SNX7: variants seen among roughly 807,000 people sequenced by gnomAD.
SNX7 encodes sorting nexin-7.
SNX7 carries 35 observed loss-of-function variants against 48.4 expected under a neutral mutation model. The ratio of observed to expected loss-of-function variants is 0.72; its 90% CI spans 0.55 to 0.96. SNX7 has a LOEUF of 0.96. SNX7 is among the 40% of genes least tolerant of loss of function. The pLI, the probability that SNX7 is intolerant of heterozygous loss-of-function variation, is 0.00. For synonymous variants in SNX7, 190 were observed against 190.2 expected (o/e 1.00, Z 0.01); for missense variants, 553 against 548.9 (o/e 1.01, Z -0.07).
At chr1:98,684,506 GC>G (rs1650676542) in intron 1 of SNX7, among the ~76,000 whole-genome samples, 1 of 152,126 alleles carries the variant, frequency 6.6e-6, no homozygotes, top group Non-Finnish European at 1.5e-5. Context: ...GTTCCCTACA[GC>G]CCTCTTATAA....
chr1:98,700,764 T>C (rs560187098), intron 6 of SNX7, among the ~76,000 whole-genome samples: 105 of 152,242 alleles, frequency 6.9e-4, no homozygotes, highest in Non-Finnish European at 1.3e-3. Flanking sequence ...CTGTACTAAG[T>C]GATTCTTAAT....
At chr1:98,662,392 G>T in intron 1 of SNX7, 1 of 189,590 alleles carries the variant, frequency 5.3e-6, no homozygotes, top group East Asian at 1.5e-4. Context: ...GGTGAGTCTC[G>T]GGTCTTGTGG....
At chr1:98,746,166 A>T (rs1654300702) in intron 8 of SNX7, among the ~76,000 whole-genome samples, 1 of 152,036 alleles carries the variant, frequency 6.6e-6, no homozygotes, top group South Asian at 2.1e-4. Context: ...GGATAAGTGA[A>T]GAAGCAAGAA....
chr1:98,676,486 A>G (rs1650173943), intron 1 of SNX7, among the ~76,000 whole-genome samples: 1 of 152,104 alleles, frequency 6.6e-6, no homozygotes, highest in Non-Finnish European at 1.5e-5. Flanking sequence ...AATCTTTATG[A>G]CTATTGTTAT....
chr1:98,720,769 A>G (rs767760795), intron 7 of SNX7, among the ~76,000 whole-genome samples: 5 of 152,200 alleles, frequency 3.3e-5, no homozygotes, highest in East Asian at 1.9e-4. Flanking sequence ...AGAATGTTCT[A>G]TTTGGCTGGA....
intron 7 of SNX7, among the ~76,000 whole-genome samples, chr1:98,732,102 A>T (rs1458439690): frequency 6.6e-6 from 1 of 152,118 alleles, no homozygotes; most frequent in Non-Finnish European, 1.5e-5. Flanking sequence ...TCCTAAGTTG[A>T]ATGATTTTAA....
chr1:98,751,365 TA>T (rs1262439559), intron 8 of SNX7, among the ~76,000 whole-genome samples: 5 of 152,090 alleles, frequency 3.3e-5, no homozygotes, highest in Non-Finnish European at 7.4e-5. Context: ...GTTTTGGAAT[TA>T]AAACTTAATT....
intron 7 of SNX7, among the ~76,000 whole-genome samples, chr1:98,735,041 G>A (rs1653704068): frequency 6.6e-6 from 1 of 152,122 alleles, no homozygotes. Context: ...ATCTGGTGTT[G>A]GAGGGAACAA....
rs929131526 is a variant in SNX7 at position 98,698,744 on chromosome 1, A to G, written c.877A>G (p.Ile293Val). The change falls in exon 6 of 9, where the codon ATT (isoleucine) becomes GTT (valine). Residue 293 changes from isoleucine (I) to valine (V), a missense_variant. Physicochemically the swap from Ile to Val is conservative, Grantham distance 29. Coordinates refer to ENST00000306121, the MANE Select transcript of SNX7 (RefSeq NM_015976.5). ...AATGAAAGAATATGGCCCAATTCAT[A>G]TTCTGTGGTCAGCGTCAGAAGAGGA... is the stretch of plus-strand genomic sequence containing the variant. The part of the protein sequence containing the change: ...DEMKEYGPIH[I>V]LWSASEEDLV... 2 of 1,612,560 alleles carry G rather than the reference A, an allele frequency of 1.2e-6. No homozygotes were observed. Among genetic ancestry groups the G allele is most frequent in the African/African-American group, 1.3e-5 (1 of 74,536 alleles).
At position 98,663,252 on chromosome 1, in the gene SNX7, G is replaced by GTTTTTTTTTTTTTTTTTTTTT. The variant is rs1491348958; in HGVS notation, c.180+1341_180+1342insTTTTTTTTTTTTTTTTTTTTT. On this transcript the variant is annotated intron_variant, in intron 1 of 8. Coordinates refer to ENST00000306121, the MANE Select transcript of SNX7 (RefSeq NM_015976.5). ...ATCAGAATCATCAGGGTTTCTTTCT[G>GTTTTTTTTTTTTTTTTTTTTT]GTTTTTTTTTTTTTTTTTTTTTTTT... Among the ~76,000 whole-genome samples the GTTTTTTTTTTTTTTTTTTTTT allele has an allele frequency of 6.0e-5, 5 of 83,158 alleles. 2 individuals carry two copies. The highest frequency in any genetic ancestry group is 1.1e-4 in the African/African-American group (2 of 18,292). 54.6% of individuals were successfully genotyped at this position (83,158 alleles called of 152,430 possible). A position where few individuals can be genotyped will look rare whatever the true frequency, so the allele number is the denominator to read the frequency against.
chr1:98,743,715 T>G (rs568758922), intron 8 of SNX7, among the ~76,000 whole-genome samples: 26 of 152,224 alleles, frequency 1.7e-4, no homozygotes, highest in African/African-American at 6.0e-4. Flanking sequence ...GTTTTACTTA[T>G]TTAGGGATTT....
chr1:98,663,015 G>A (rs79740157), intron 1 of SNX7, among the ~76,000 whole-genome samples: 1 of 152,258 alleles, frequency 6.6e-6, no homozygotes, highest in East Asian at 1.9e-4. Context: ...TGACTTTTCT[G>A]TTAAGTAGTA....
intron 7 of SNX7, among the ~76,000 whole-genome samples, chr1:98,714,981 T>C (rs1201986982): frequency 2.0e-5 from 3 of 152,202 alleles, no homozygotes; most frequent in South Asian, 4.1e-4. Flanking sequence ...TTTTGAACCA[T>C]TGGAGAATAA....
intron 7 of SNX7, among the ~76,000 whole-genome samples, chr1:98,718,416 G>A (rs1652698087): frequency 6.6e-6 from 1 of 151,954 alleles, no homozygotes; most frequent in Non-Finnish European, 1.5e-5. Context: ...CTTATTTTCT[G>A]AATCCAGATG....
intron 7 of SNX7, among the ~76,000 whole-genome samples, chr1:98,728,403 A>G (rs1256316485): frequency 1.3e-5 from 2 of 152,084 alleles, no homozygotes; most frequent in African/African-American, 4.8e-5. Flanking sequence ...AGTCTATAAA[A>G]TAACCAGCTA....
At chr1:98,670,866 TGAG>T (rs1432384717) in intron 1 of SNX7, among the ~76,000 whole-genome samples, 1 of 74,542 alleles carries the variant, frequency 1.3e-5, no homozygotes, top group African/African-American at 4.9e-5. Context: ...GTAGAGACAG[TGAG>T]TTTTATTTAT....
chr1:98,691,914 T>TAC (rs1553199327), intron 4 of SNX7, among the ~76,000 whole-genome samples: 37 of 133,578 alleles, frequency 2.8e-4, no homozygotes, highest in African/African-American at 1.0e-3. Context: ...TCCATATATA[T>TAC]ACACACACAC....
At chr1:98,742,917 G>A (rs1654141483) in intron 8 of SNX7, among the ~76,000 whole-genome samples, 1 of 151,772 alleles carries the variant, frequency 6.6e-6, no homozygotes, top group South Asian at 2.1e-4. Flanking sequence ...TTTTACATAT[G>A]TTTCCACATA....
chr1:98,691,803 T>C, intron 4 of SNX7, 104 bp downstream of exon 4: 3 of 964,356 alleles, frequency 3.1e-6, no homozygotes, highest in South Asian at 5.0e-5. Context: ...AGTGGTGTAC[T>C]TGAATTGAGA....
Sources: allele counts gnomAD v4.1 joint callset (sites outside exome capture counted in the v4.1 genomes callset), GRCh38; gene constraint gnomAD v4.1.1; transcripts MANE v1.5; gene names NCBI Gene and HGNC (gene_info 2026-07-23, HGNC 2026-07-21).